The following IL1RAPL2 variants were observed in gnomAD, a reference collection of about 807,000 sequenced individuals.
IL1RAPL2 encodes interleukin 1 receptor accessory protein like 2, also known as X-linked interleukin-1 receptor accessory protein-like 2.
A neutral mutation model predicts 44.1 loss-of-function variants in IL1RAPL2; 3 were observed. That is an observed-to-expected ratio of 0.07 (90% CI 0.03 to 0.18). IL1RAPL2 has a LOEUF of 0.18. Among genes scored for constraint, IL1RAPL2 ranks in the 10% least tolerant of loss-of-function variants. The pLI is 1.00. For missense variants in IL1RAPL2, 391 were observed against 496.4 expected (o/e 0.79, Z 2.02); for synonymous variants, 181 against 178.8 (o/e 1.01, Z -0.10).
chrX:104,611,906 T>C (rs1376129020), intron 1 of IL1RAPL2, among the ~76,000 whole-genome samples: 4 of 106,340 alleles, frequency 3.8e-5, no homozygotes, highest in Non-Finnish European at 7.7e-5. Context: ...TTCATGGGCA[T>C]GGGACCCATT....
At chrX:105,269,433 ACT>A (rs1267816081) in intron 5 of IL1RAPL2, among the ~76,000 whole-genome samples, 1 of 110,068 alleles carries the variant, frequency 9.1e-6, no homozygotes, top group Admixed American at 9.8e-5. Context: ...ATATTACTTC[ACT>A]CTCTGTACTA....
chrX:105,409,730 T>C (rs2035678488), intron 5 of IL1RAPL2, among the ~76,000 whole-genome samples: 1 of 109,529 alleles, frequency 9.1e-6, no homozygotes, highest in Non-Finnish European at 1.9e-5. Flanking sequence ...TTAGTGAGAC[T>C]GAAGCTTAGT....
chrX:105,563,096 C>T (rs2036951097), intron 6 of IL1RAPL2, among the ~76,000 whole-genome samples: 1 of 111,591 alleles, frequency 9.0e-6, no homozygotes, highest in Non-Finnish European at 1.9e-5. Context: ...TGGGAGATCT[C>T]TCTGAGAAGG....
intron 2 of IL1RAPL2, among the ~76,000 whole-genome samples, chrX:105,078,745 C>G (rs994361089): frequency 7.1e-5 from 8 of 112,454 alleles, no homozygotes; most frequent in Non-Finnish European, 1.5e-4. Context: ...TCGCCCCTCC[C>G]CCAGCCTCGC....
chrX:105,312,016 TGTG>T (rs1034762540), intron 5 of IL1RAPL2, among the ~76,000 whole-genome samples: 4 of 111,973 alleles, frequency 3.6e-5, no homozygotes, highest in African/African-American at 1.3e-4. Flanking sequence ...CTCTTCCACT[TGTG>T]GTGATGGTTA....
chrX:104,731,979 A>G (rs1285270157), intron 2 of IL1RAPL2, among the ~76,000 whole-genome samples: 2 of 112,305 alleles, frequency 1.8e-5, no homozygotes, highest in Non-Finnish European at 3.8e-5. Context: ...TTCTCTGACC[A>G]CACTGCAAAG....
At chrX:105,560,863 A>G (rs1353347149) in intron 6 of IL1RAPL2, among the ~76,000 whole-genome samples, 1 of 109,843 alleles carries the variant, frequency 9.1e-6, no homozygotes, top group Non-Finnish European at 1.9e-5. Context: ...TGTACATTTT[A>G]TGTATATTTA....
chrX:105,071,133 T>A (rs1360332788), intron 2 of IL1RAPL2, among the ~76,000 whole-genome samples: 2 of 111,271 alleles, frequency 1.8e-5, no homozygotes, highest in Admixed American at 9.7e-5. Flanking sequence ...ATCATATACA[T>A]AGAAAACCCC....
intron 5 of IL1RAPL2, among the ~76,000 whole-genome samples, chrX:105,474,194 A>G (rs1183089517): frequency 9.0e-6 from 1 of 111,510 alleles, no homozygotes; most frequent in African/African-American, 3.3e-5. Context: ...CAAGGATTCA[A>G]CCTGCCCTTG....
At chrX:105,517,439 T>C (rs1420882084) in intron 6 of IL1RAPL2, among the ~76,000 whole-genome samples, 1 of 111,505 alleles carries the variant, frequency 9.0e-6, no homozygotes, top group Non-Finnish European at 1.9e-5. Flanking sequence ...CATTGAACAT[T>C]GCTACTACTC....
At chrX:105,222,603 G>T (rs73636206) in intron 3 of IL1RAPL2, among the ~76,000 whole-genome samples, 3,229 of 111,855 alleles carry the variant, frequency 0.029, 120 homozygotes, top group African/African-American at 0.098. Flanking sequence ...GAGTCAGGAA[G>T]ACCCATTAGG....
At chrX:105,626,849 C>G (rs1428274656) in intron 6 of IL1RAPL2, among the ~76,000 whole-genome samples, 1 of 111,411 alleles carries the variant, frequency 9.0e-6, no homozygotes, top group African/African-American at 3.3e-5. Context: ...TCTCCTTGGC[C>G]TAGCATTTCT....
chrX:105,220,109 C>T (rs782147727), intron 3 of IL1RAPL2: 35 of 1,209,648 alleles, frequency 2.9e-5, no homozygotes, highest in African/African-American at 1.7e-5. Flanking sequence ...TGCAGTTTGG[C>T]GAAGCCGTGC....
At chrX:104,976,074 G>A (rs1265127468) in intron 2 of IL1RAPL2, among the ~76,000 whole-genome samples, 1 of 110,894 alleles carries the variant, frequency 9.0e-6, no homozygotes, top group Admixed American at 9.6e-5. Context: ...AAGTCCAATC[G>A]TAAAATGTCG....
intron 1 of IL1RAPL2, among the ~76,000 whole-genome samples, chrX:104,588,698 A>C (rs1156610869): frequency 8.9e-6 from 1 of 112,023 alleles, no homozygotes; most frequent in Non-Finnish European, 1.9e-5. Context: ...AGTCTCCTGA[A>C]TATAAGCAAA....
At chrX:105,761,657 A>G (rs765831250) in intron 10 of IL1RAPL2, among the ~76,000 whole-genome samples, 7 of 111,974 alleles carry the variant, frequency 6.3e-5, no homozygotes, top group African/African-American at 2.3e-4. Context: ...TTAATGGAGT[A>G]TTATCTGTTT....
intron 4 of IL1RAPL2, among the ~76,000 whole-genome samples, chrX:105,238,667 G>T (rs1311390623): frequency 2.7e-5 from 3 of 111,247 alleles, no homozygotes; most frequent in Non-Finnish European, 5.7e-5. Context: ...GGTTTTGTCT[G>T]GTCTGTTGGG....
In IL1RAPL2 at chrX:104,761,387, T is replaced by C. The variant is rs772668645; in HGVS notation, c.82+102392T>C. ...AGCAGCATGGGGGTAACAGCCCCCA[T>C]GATTTAATTACCTCCCCCCAGGTCC... On this transcript the variant is annotated intron_variant, in intron 2 of 10. Coordinates refer to ENST00000372582, the MANE Select transcript of IL1RAPL2 (RefSeq NM_017416.2). 3.6e-5 allele frequency among the ~76,000 whole-genome samples: 4 copies of C among 110,885 alleles called. No individual in the cohort carries two copies. The South Asian group carries it at 1.6e-3, about 44-fold the overall frequency.
chrX:104,847,679 CT>C (rs1922094200), intron 2 of IL1RAPL2, among the ~76,000 whole-genome samples: 1 of 111,580 alleles, frequency 9.0e-6, no homozygotes. Context: ...AATGCGGGTT[CT>C]TTTTTGGTTT....
Sources: allele counts gnomAD v4.1 joint callset (sites outside exome capture counted in the v4.1 genomes callset), GRCh38; gene constraint gnomAD v4.1.1; transcripts MANE v1.5; gene names NCBI Gene and HGNC (gene_info 2026-07-23, HGNC 2026-07-21).